Variants in CRIM1 observed in about 807,000 individuals in gnomAD.
CRIM1 encodes the protein cysteine-rich motor neuron 1 protein.
Under a neutral mutation model 116.4 loss-of-function variants are expected in CRIM1, and 32 were observed. The ratio of observed to expected loss-of-function variants is 0.27; its 90% confidence interval spans 0.21 to 0.37. The LOEUF (loss-of-function observed/expected upper bound fraction) is 0.37, where lower values mean the gene tolerates loss of function less well. Among genes scored for constraint, CRIM1 ranks in the 10% least tolerant of loss-of-function variants. The pLI is 1.00. For missense variants in CRIM1, 1,331 were observed against 1,354.8 expected (o/e 0.98, Z 0.28); for synonymous variants, 590 against 509.2 (o/e 1.16, Z -2.13).
chr2:36,467,168 C>G (rs1456243488), intron 5 of CRIM1, among the ~76,000 whole-genome samples: 1 of 152,198 alleles, frequency 6.6e-6, no homozygotes, highest in African/African-American at 2.4e-5. Flanking sequence ...CACTACATCT[C>G]TGGTCGTTGC....
At chr2:36,364,969 A>G (rs1171286707) in intron 1 of CRIM1, among the ~76,000 whole-genome samples, 2 of 151,994 alleles carry the variant, frequency 1.3e-5, no homozygotes, top group African/African-American at 2.4e-5. Flanking sequence ...CTTTCTCTGT[A>G]AGTTTAAAAA....
chr2:36,504,263 T>C (rs1681228875), intron 8 of CRIM1, among the ~76,000 whole-genome samples: 1 of 152,212 alleles, frequency 6.6e-6, no homozygotes, highest in Non-Finnish European at 1.5e-5. Flanking sequence ...CATTATTTTA[T>C]TCATCTAGCA....
At chr2:36,379,763 TTAAAG>T (rs1423964302) in intron 1 of CRIM1, among the ~76,000 whole-genome samples, 5 of 149,712 alleles carry the variant, frequency 3.3e-5, no homozygotes, top group Non-Finnish European at 7.4e-5. Context: ...TTTTTTTTTT[TTAAAG>T]AAAAGCAATT....
At chr2:36,548,492 T>G (rs1206101422) in intron 16 of CRIM1, 33 bp from the exon 17 acceptor site, 1 of 1,500,526 alleles carries the variant, frequency 6.7e-7, no homozygotes, top group Admixed American at 2.4e-5. Flanking sequence ...GCAACTAATT[T>G]TTTGTGGTTT....
chr2:36,476,781 A>C, intron 5 of CRIM1, 108 bp from the exon 6 acceptor site: 1 of 829,698 alleles, frequency 1.2e-6, no homozygotes, highest in Non-Finnish European at 1.9e-6. Flanking sequence ...AATTTCCATC[A>C]ACTTATAACC....
In CRIM1 at chr2:36,550,021, A is replaced by G. The variant is rs1245967975; in HGVS notation, c.*1320A>G. Reference sequence around the variant, plus strand: ...TTCTACCTGCAGTTTAATTGGAAAGATGTGTGTGTGAGAGTATGTATGTGT... The same window carrying G: ...TTCTACCTGCAGTTTAATTGGAAAGGTGTGTGTGTGAGAGTATGTATGTGT... On this transcript the variant is annotated 3_prime_UTR_variant, in exon 17 of 17. Transcript: ENST00000280527. 4 of 151,098 alleles carry G rather than the reference A, an allele frequency of 2.6e-5. No homozygotes were observed. The highest frequency in any genetic ancestry group is 1.9e-4 in the East Asian group (1 of 5,140). The allele number at this position is 151,098 out of a possible 1,614,324, so 9.4% of individuals were successfully genotyped here. A position where few individuals can be genotyped will look rare whatever the true frequency, so the allele number is the denominator to read the frequency against.
intron 7 of CRIM1, among the ~76,000 whole-genome samples, chr2:36,498,188 C>T (rs112671659): frequency 2.0e-3 from 306 of 152,260 alleles, no homozygotes; most frequent in African/African-American, 4.0e-3. Context: ...TTGGCAACAC[C>T]GTTCCCACAA....
chr2:36,548,355 A>G (rs745855141), intron 16 of CRIM1, among the ~76,000 whole-genome samples, 170 bp from the exon 17 acceptor site: 4 of 150,752 alleles, frequency 2.7e-5, no homozygotes, highest in Non-Finnish European at 5.9e-5. Flanking sequence ...AGTGTCCCTC[A>G]TAAAAGTATA....
chr2:36,523,869 G>C (rs1339362076), intron 13 of CRIM1, among the ~76,000 whole-genome samples: 1 of 152,194 alleles, frequency 6.6e-6, no homozygotes, highest in East Asian at 1.9e-4. Flanking sequence ...CTGGCCACTA[G>C]ACAGGGCCAC....
chr2:36,430,007 G>A (rs978279821), intron 2 of CRIM1, among the ~76,000 whole-genome samples: 4 of 152,210 alleles, frequency 2.6e-5, no homozygotes, highest in African/African-American at 7.2e-5. Context: ...GCTGAAAGGA[G>A]TGTAAGTACT....
intron 2 of CRIM1, among the ~76,000 whole-genome samples, chr2:36,427,343 T>C (rs1292234751): frequency 1.3e-5 from 2 of 152,080 alleles, no homozygotes; most frequent in African/African-American, 4.8e-5. Flanking sequence ...CCACTCAATA[T>C]AGGGATAGAG....
chr2:36,496,414 A>G (rs982126757), intron 7 of CRIM1, among the ~76,000 whole-genome samples: 2 of 152,170 alleles, frequency 1.3e-5, no homozygotes, highest in Non-Finnish European at 2.9e-5. Flanking sequence ...TGAGGGTATA[A>G]AAATTTGAAA....
At position 36,537,489 on chromosome 2, in the gene CRIM1, C is replaced by T. The variant is rs149188754; in HGVS notation, c.2566C>T (p.Pro856Ser). 3,155 of 1,614,176 alleles carry T rather than the reference C, an allele frequency of 2.0e-3. 9 individuals are homozygous for T. Among genetic ancestry groups the T allele is most frequent in the Non-Finnish European group, 2.4e-3 (2,849 of 1,180,014 alleles). Residue 856 changes from proline (P) to serine (S), a missense_variant, in exon 14 of 17, where the codon CCT becomes TCT. Coordinates refer to ENST00000280527, the MANE Select transcript of CRIM1 (RefSeq NM_016441.3). ...CCTCTGCTCGACCGTCAGCTGCCCC[C>T]CTCTGCCCTGTGTTGAGCCCATCAA... Reference protein sequence around the residue: ...QTLCSTVSCPPLPCVEPINVE... With the variant: ...QTLCSTVSCPSLPCVEPINVE...
intron 2 of CRIM1, among the ~76,000 whole-genome samples, chr2:36,397,165 G>A (rs1036613333): frequency 6.6e-6 from 1 of 152,186 alleles, no homozygotes; most frequent in African/African-American, 2.4e-5. Context: ...GGCTCATCTG[G>A]CATGAAAGAG....
At chr2:36,399,865 T>G (rs752994848) in intron 2 of CRIM1, among the ~76,000 whole-genome samples, 6 of 152,074 alleles carry the variant, frequency 3.9e-5, no homozygotes, top group African/African-American at 1.4e-4. Flanking sequence ...AAGAGGAAAA[T>G]GTAAACAGAC....
intron 1 of CRIM1, among the ~76,000 whole-genome samples, chr2:36,363,949 A>G (rs1375722490): frequency 6.6e-6 from 1 of 152,076 alleles, no homozygotes; most frequent in Non-Finnish European, 1.5e-5. Flanking sequence ...TTCTAGCTCT[A>G]CCTGTTCTTC....
intron 13 of CRIM1, among the ~76,000 whole-genome samples, chr2:36,535,454 C>T (rs1195762809): frequency 1.3e-5 from 2 of 152,124 alleles, no homozygotes; most frequent in Non-Finnish European, 2.9e-5. Context: ...CAGAAAATTT[C>T]TGTGGAGCAT....
At chr2:36,454,933 A>G (rs1040355570) in intron 4 of CRIM1, among the ~76,000 whole-genome samples, 1 of 152,156 alleles carries the variant, frequency 6.6e-6, no homozygotes, top group Non-Finnish European at 1.5e-5. Context: ...AGAGGCAGGA[A>G]AGGTAAAGGC....
intron 1 of CRIM1, among the ~76,000 whole-genome samples, chr2:36,371,381 TTG>T: frequency 6.6e-6 from 1 of 152,306 alleles, no homozygotes; most frequent in African/African-American, 2.4e-5. Context: ...AGTGCCAGGA[TTG>T]TGTGTTATTC....
Sources: gnomAD v4.1 joint callset for allele counts (sites outside exome capture counted in the v4.1 genomes callset) on GRCh38, gnomAD v4.1.1 for gene constraint, MANE v1.5 for transcripts, NCBI Gene and HGNC (gene_info 2026-07-23, HGNC 2026-07-21) for gene names.